KLHL3: variants seen among roughly 807,000 people sequenced by gnomAD.
KLHL3 encodes the protein kelch like family member 3.
In KLHL3, 19 loss-of-function variants were observed where a neutral mutation model predicts 70.5. That is an observed-to-expected ratio of 0.27 (90% confidence interval 0.19 to 0.40). KLHL3 has a LOEUF of 0.40. Ranked by LOEUF, KLHL3 falls within the 10% of genes least tolerant of loss-of-function variation. The pLI is 1.00. For missense variants in KLHL3, 512 were observed against 771.1 expected (o/e 0.66, Z 3.98); for synonymous variants, 258 against 290.3 (o/e 0.89, Z 1.13).
intron 8 of KLHL3, among the ~76,000 whole-genome samples, chr5:137,646,701 G>T (rs566733959): frequency 4.4e-4 from 67 of 152,208 alleles, no homozygotes; most frequent in African/African-American, 1.6e-3. Context: ...CAACAAGCAT[G>T]TTTCTTTCTT....
chr5:137,692,517 T>A, intron 4 of KLHL3, 70 bp from the exon 5 acceptor site: 1 of 1,435,772 alleles, frequency 7.0e-7, no homozygotes. Context: ...TTTCCTATCA[T>A]ATCACTCCCA....
At position 137,692,280 on chromosome 5, in the gene KLHL3, C is replaced by A. The variant is rs370397920; in HGVS notation, c.526+5G>T. ...AGGAGGTGCAGCAGTCCGGCTCCCC[C>A]TTACCTGCGTAGGCATTGGCCTGCT... On this transcript the variant is annotated splice_donor_5th_base_variant and intron_variant, in intron 5 of 14. Transcript: ENST00000309755. 67 of 1,610,452 alleles carry A rather than the reference C, an allele frequency of 4.2e-5. No homozygotes were observed. The African/African-American group carries it at 8.1e-4, about 20-fold the overall frequency.
intron 8 of KLHL3, among the ~76,000 whole-genome samples, chr5:137,643,005 C>T (rs1018015778): frequency 6.6e-6 from 1 of 152,056 alleles, no homozygotes; most frequent in Non-Finnish European, 1.5e-5. Flanking sequence ...AACAGTATTA[C>T]AGAAATGCAA....
intron 13 of KLHL3, among the ~76,000 whole-genome samples, chr5:137,626,597 T>C (rs4260664): frequency 0.66 from 99,729 of 152,118 alleles, 33,005 homozygotes; most frequent in South Asian, 0.72. Context: ...GGTGATACTC[T>C]AAAAAGTAGT....
chr5:137,706,520 T>C (rs1219470976), intron 3 of KLHL3: 1 of 240,298 alleles, frequency 4.2e-6, no homozygotes, highest in East Asian at 1.8e-4. Flanking sequence ...CTTCAAAGTG[T>C]GCATACCTTT....
intron 11 of KLHL3, among the ~76,000 whole-genome samples, chr5:137,636,547 C>T (rs1288955641): frequency 1.3e-5 from 2 of 152,314 alleles, no homozygotes; most frequent in African/African-American, 4.8e-5. Flanking sequence ...GAGCATAGCA[C>T]AGTGGAAAGA....
intron 3 of KLHL3, chr5:137,706,229 G>A (rs1215462076): frequency 2.0e-6 from 2 of 985,174 alleles, no homozygotes; most frequent in Non-Finnish European, 2.4e-6. Context: ...AAAGCCATGT[G>A]TATTTTACTT....
chr5:137,647,551 G>C (rs754863396), intron 8 of KLHL3: 2 of 472,148 alleles, frequency 4.2e-6, no homozygotes, highest in South Asian at 3.1e-5. Flanking sequence ...TTCTGTGACC[G>C]GTGAGCTGGG....
At chr5:137,668,049 C>G (rs1387566917) in intron 6 of KLHL3, among the ~76,000 whole-genome samples, 1 of 152,312 alleles carries the variant, frequency 6.6e-6, no homozygotes, top group East Asian at 1.9e-4. Flanking sequence ...GAATTCACCT[C>G]TAACTCCAAA....
intron 14 of KLHL3, among the ~76,000 whole-genome samples, chr5:137,622,849 C>T (rs1177917886): frequency 2.6e-5 from 4 of 152,248 alleles, no homozygotes; most frequent in Admixed American, 1.3e-4. Context: ...CAGGTTGATT[C>T]CGTCAACATC....
At chr5:137,654,358 G>A (rs1751287781) in intron 8 of KLHL3, among the ~76,000 whole-genome samples, 1 of 152,160 alleles carries the variant, frequency 6.6e-6, no homozygotes, top group Non-Finnish European at 1.5e-5. Flanking sequence ...CATGGACTTT[G>A]GAGTGAGACA....
At chr5:137,670,904 C>T (rs1580748374) in intron 6 of KLHL3, among the ~76,000 whole-genome samples, 1 of 147,360 alleles carries the variant, frequency 6.8e-6, no homozygotes, top group South Asian at 2.3e-4. Context: ...ACCTGGGAAG[C>T]GGAGGTTGCA....
Position 137,658,188 on chromosome 5 carries a change from C to T in KLHL3, c.846G>A (p.Gln282=), listed in dbSNP as rs1453312835. 6.2e-7 allele frequency: 1 copy of T among 1,614,028 alleles called. No individual in the cohort carries two copies. The highest frequency in any genetic ancestry group is 2.2e-5 in the East Asian group (1 of 44,878). ...AMKYHLLPLD[Q]RLLIKNPRTK... is the part of the protein sequence containing the mutation. The stretch of plus-strand genomic sequence containing the variant: ...TCCTTGGGTTCTTAATCAATAGTCT[C>T]TGATCCAGAGGGAGGAGATGGTATT... Residue 282 remains glutamine (Q), a synonymous_variant, in exon 8 of 15, where the codon CAG becomes CAA. Transcript: ENST00000309755.
intron 6 of KLHL3, among the ~76,000 whole-genome samples, chr5:137,668,749 T>C (rs1751676795): frequency 6.6e-6 from 1 of 152,200 alleles, no homozygotes; most frequent in Admixed American, 6.5e-5. Context: ...CAATTGGAGC[T>C]CACTGTGCAC....
chr5:137,652,626 A>G (rs1751230423), intron 8 of KLHL3, among the ~76,000 whole-genome samples: 1 of 152,228 alleles, frequency 6.6e-6, no homozygotes, highest in African/African-American at 2.4e-5. Flanking sequence ...AACTCATAGA[A>G]GTAGAGAATA....
chr5:137,714,489 A>C (rs1752857183), intron 2 of KLHL3, among the ~76,000 whole-genome samples: 1 of 152,264 alleles, frequency 6.6e-6, no homozygotes, highest in African/African-American at 2.4e-5. Context: ...GACATGCTAC[A>C]ACATGAATGA....
intron 6 of KLHL3, among the ~76,000 whole-genome samples, chr5:137,670,673 C>CAAACAAAA (rs1204863160): frequency 6.6e-6 from 1 of 151,938 alleles, no homozygotes; most frequent in Non-Finnish European, 1.5e-5. Flanking sequence ...AACAAACAAA[C>CAAACAAAA]AAACAAAAAA....
Position 137,696,277 on chromosome 5 carries a change from A to G in KLHL3, c.363+2010T>C, listed in dbSNP as rs527480296. Among the ~76,000 whole-genome samples the G allele has an allele frequency of 2.0e-5, 3 of 152,370 alleles. No homozygotes were observed. The East Asian group carries it at 5.8e-4, about 29-fold the overall frequency. ...GGGGCCACCCAGGGTCTCTGCCCCA[A>G]TCACACAGTGGGTCTGGCACAGAAT... On this transcript the variant is annotated intron_variant, in intron 4 of 14. Coordinates refer to ENST00000309755, the MANE Select transcript of KLHL3 (RefSeq NM_017415.3).
At chr5:137,655,748 C>A (rs1189160315) in intron 8 of KLHL3, among the ~76,000 whole-genome samples, 1 of 152,050 alleles carries the variant, frequency 6.6e-6, no homozygotes, top group Non-Finnish European at 1.5e-5. Context: ...TTTTGGGAGG[C>A]CAAGGTGGGT....
Sources: gnomAD v4.1 joint callset for allele counts (sites outside exome capture counted in the v4.1 genomes callset) on GRCh38, gnomAD v4.1.1 for gene constraint, MANE v1.5 for transcripts, NCBI Gene and HGNC (gene_info 2026-07-23, HGNC 2026-07-21) for gene names.